Variants in COL19A1 observed in about 807,000 individuals in gnomAD.
COL19A1 encodes collagen type XIX alpha 1 chain.
In COL19A1, 159 loss-of-function variants were observed where a neutral mutation model predicts 190.2. The ratio of observed to expected loss-of-function variants is 0.84; its 90% CI spans 0.73 to 0.95. The LOEUF (loss-of-function observed/expected upper bound fraction) is 0.95, where lower values mean the gene tolerates loss of function less well. COL19A1 is among the 40% of genes least tolerant of loss of function. The pLI is 0.00. For missense variants in COL19A1, 1,418 were observed against 1,431.9 expected (o/e 0.99, Z 0.16); for synonymous variants, 509 against 458.9 (o/e 1.11, Z -1.39).
At chr6:70,018,212 A>G (rs1349951575) in intron 11 of COL19A1, among the ~76,000 whole-genome samples, 1 of 152,106 alleles carries the variant, frequency 6.6e-6, no homozygotes, top group Non-Finnish European at 1.5e-5. Flanking sequence ...TAGAAGAGTA[A>G]AGAATGGTTT....
rs995114343 is a variant in COL19A1 at position 70,141,267 on chromosome 6, A to G, written c.1482+278A>G. Among the ~76,000 whole-genome samples the G allele has an allele frequency of 5.9e-5, 9 of 152,258 alleles. 1 individual carries two copies. The South Asian group carries it at 1.7e-3, about 28-fold the overall frequency. On this transcript the variant is annotated intron_variant, in intron 20 of 50. Coordinates refer to ENST00000620364, the MANE Select transcript of COL19A1 (RefSeq NM_001858.6). Reference sequence around the variant, plus strand: ...AATAGTGATTGGACATGAATGTTATACAAGACATCCATGTAGGATATCAAA... The same window carrying G: ...AATAGTGATTGGACATGAATGTTATGCAAGACATCCATGTAGGATATCAAA...
At chr6:69,950,256 T>A (rs549175449) in intron 9 of COL19A1, among the ~76,000 whole-genome samples, 2 of 151,980 alleles carry the variant, frequency 1.3e-5, no homozygotes, top group East Asian at 3.9e-4. Context: ...CAACACAATT[T>A]TATAAAATGT....
intron 17 of COL19A1, 34 bp from the exon 18 acceptor site, chr6:70,130,148 T>C (rs1355034778): frequency 1.2e-6 from 2 of 1,607,876 alleles, no homozygotes; most frequent in Middle Eastern, 1.7e-4. Context: ...TAGCGGATTT[T>C]TCTTTTGTAT....
chr6:70,115,731 C>G (rs1784522558), intron 16 of COL19A1, among the ~76,000 whole-genome samples: 1 of 151,662 alleles, frequency 6.6e-6, no homozygotes, highest in Non-Finnish European at 1.5e-5. Context: ...AATATAAATA[C>G]TCACTGAATC....
In COL19A1 at chr6:70,146,906, C is replaced by T. The variant is rs148336750; in HGVS notation, c.1893+17C>T. 12 of 1,551,590 alleles carry T rather than the reference C, an allele frequency of 7.7e-6. No individual in the cohort carries two copies. The highest frequency in any genetic ancestry group is 2.8e-5 in the African/African-American group (2 of 72,138). ...GGCAGAACAGTAAGTGAAATTCATTCGAGTCCTTGTTGATTCCAACATTGT... is the reference window on the plus strand; with the variant it reads ...GGCAGAACAGTAAGTGAAATTCATTTGAGTCCTTGTTGATTCCAACATTGT... On this transcript the variant is annotated intron_variant, in intron 27 of 50. Transcript: ENST00000620364.
chr6:70,006,224 C>T (rs1182167918), intron 11 of COL19A1, among the ~76,000 whole-genome samples: 1 of 152,188 alleles, frequency 6.6e-6, no homozygotes, highest in Non-Finnish European at 1.5e-5. Context: ...AAGCAGATTC[C>T]AGCTGAGAGC....
chr6:69,890,950 T>TG, intron 2 of COL19A1: 1 of 209,908 alleles, frequency 4.8e-6, no homozygotes, highest in Non-Finnish European at 1.0e-5. Flanking sequence ...CTGACAGGGG[T>TG]TGCTGTTTTG....
intron 37 of COL19A1, among the ~76,000 whole-genome samples, chr6:70,167,120 G>A (rs988985250): frequency 6.6e-6 from 1 of 152,172 alleles, no homozygotes; most frequent in Non-Finnish European, 1.5e-5. Flanking sequence ...AGATAAATGA[G>A]TTAAATAATA....
At chr6:69,910,530 G>A (rs1582366846) in intron 4 of COL19A1, among the ~76,000 whole-genome samples, 1 of 152,118 alleles carries the variant, frequency 6.6e-6, no homozygotes, top group African/African-American at 2.4e-5. Context: ...TACTTTGATA[G>A]TAGTGAGGTA....
chr6:69,900,892 C>A (rs1770145541), intron 4 of COL19A1, among the ~76,000 whole-genome samples: 1 of 151,782 alleles, frequency 6.6e-6, no homozygotes, highest in South Asian at 2.1e-4. Flanking sequence ...CTTTTTCTTT[C>A]TTTTTTCTAC....
chr6:70,170,686 A>T (rs2150272295), intron 40 of COL19A1, among the ~76,000 whole-genome samples: 1 of 152,284 alleles, frequency 6.6e-6, no homozygotes, highest in South Asian at 2.1e-4. Context: ...TTTATGCAGA[A>T]CAGAATCTGA....
At chr6:70,030,750 C>G (rs1392887368) in intron 12 of COL19A1, among the ~76,000 whole-genome samples, 2 of 152,164 alleles carry the variant, frequency 1.3e-5, no homozygotes, top group Non-Finnish European at 1.5e-5. Flanking sequence ...TAGCCAGTTA[C>G]TTAAGTCAAA....
chr6:69,879,812 A>G, intron 2 of COL19A1, 154 bp downstream of exon 2: 1 of 699,490 alleles, frequency 1.4e-6, no homozygotes, highest in Non-Finnish European at 2.4e-6. Context: ...TCTTCCCATG[A>G]TGCACATTAG....
At chr6:70,192,898 G>T (rs9454997) in intron 48 of COL19A1, among the ~76,000 whole-genome samples, 2 of 152,122 alleles carry the variant, frequency 1.3e-5, no homozygotes, top group Admixed American at 6.5e-5. Flanking sequence ...GTGTATTTTT[G>T]AATTGCAATC....
chr6:69,909,304 T>C (rs983168814), intron 4 of COL19A1, among the ~76,000 whole-genome samples: 1 of 152,136 alleles, frequency 6.6e-6, no homozygotes, highest in African/African-American at 2.4e-5. Context: ...GAAAGAGGTA[T>C]AAGATACGGT....
chr6:70,143,972 G>T (rs543414713), intron 23 of COL19A1, among the ~76,000 whole-genome samples: 3 of 152,016 alleles, frequency 2.0e-5, no homozygotes, highest in Admixed American at 6.6e-5. Flanking sequence ...TGAGACGTTC[G>T]GTTCAATTCG....
intron 14 of COL19A1, among the ~76,000 whole-genome samples, chr6:70,046,664 A>G (rs1779935930): frequency 7.3e-6 from 1 of 136,322 alleles, no homozygotes; most frequent in South Asian, 2.3e-4. Context: ...TCTAATGATT[A>G]TGATACAAAG....
intron 11 of COL19A1, among the ~76,000 whole-genome samples, chr6:69,999,491 A>G (rs1777117700): frequency 6.6e-6 from 1 of 152,170 alleles, no homozygotes; most frequent in Non-Finnish European, 1.5e-5. Flanking sequence ...CTGTGATCGT[A>G]TCATTGCACT....
At chr6:69,897,093 A>G (rs899227813) in intron 2 of COL19A1, among the ~76,000 whole-genome samples, 3 of 152,150 alleles carry the variant, frequency 2.0e-5, no homozygotes, top group Non-Finnish European at 4.4e-5. Flanking sequence ...TGTCTTGTGG[A>G]TGCTTTACTG....
Sources: gnomAD v4.1 joint callset for allele counts (sites outside exome capture counted in the v4.1 genomes callset) on GRCh38, gnomAD v4.1.1 for gene constraint, MANE v1.5 for transcripts, NCBI Gene and HGNC (gene_info 2026-07-23, HGNC 2026-07-21) for gene names.